Variants in S100Z observed in about 807,000 individuals in gnomAD.
The protein encoded by S100Z is protein S100-Z.
In S100Z, 11 loss-of-function variants were observed where a neutral mutation model predicts 8.5. That is an observed-to-expected ratio of 1.30 (90% CI 0.82 to 2.15). The LOEUF is 2.15. S100Z is among the 30% of genes most tolerant of loss of function. The pLI is 0.00. For synonymous variants in S100Z, 34 were observed against 43.8 expected (o/e 0.78, Z 0.89); for missense variants, 126 against 117.9 (o/e 1.07, Z -0.32).
chr5:76,858,407 C>G (rs1020368776), intron 1 of S100Z, among the ~76,000 whole-genome samples: 1 of 152,008 alleles, frequency 6.6e-6, no homozygotes, highest in African/African-American at 2.4e-5. Context: ...CCTATAGTCC[C>G]AGATACTAGA....
chr5:76,897,429 C>T (rs188124957), intron 4 of S100Z, among the ~76,000 whole-genome samples: 1,884 of 150,058 alleles, frequency 0.013, 16 homozygotes, highest in Non-Finnish European at 0.016. Context: ...GGCGACAGAG[C>T]GAGACTCTGT....
At chr5:76,868,269 G>A (rs1340762731) in intron 1 of S100Z, among the ~76,000 whole-genome samples, 1 of 152,170 alleles carries the variant, frequency 6.6e-6, no homozygotes, top group Non-Finnish European at 1.5e-5. Context: ...GCCAGGTGCA[G>A]TCCTGGAGAT....
chr5:76,932,728 G>C, the S100Z span, among the ~76,000 whole-genome samples: 2 of 152,122 alleles, frequency 1.3e-5, no homozygotes, highest in Non-Finnish European at 2.9e-5. Flanking sequence ...ATCCACAGAT[G>C]AATGACTTAG....
the S100Z span, among the ~76,000 whole-genome samples, chr5:76,927,624 C>T: frequency 6.6e-6 from 1 of 152,136 alleles, no homozygotes; most frequent in Non-Finnish European, 1.5e-5. Flanking sequence ...CTGAGGAAAG[C>T]TGTCAGGAAA....
chr5:76,887,139 C>CT (rs1274481331), intron 4 of S100Z, among the ~76,000 whole-genome samples: 1 of 151,124 alleles, frequency 6.6e-6, no homozygotes, highest in Non-Finnish European at 1.5e-5. Context: ...GCTCTGTCAC[C>CT]AGGCTGGAGT....
At chr5:76,864,881 G>A (rs1042243352) in intron 1 of S100Z, among the ~76,000 whole-genome samples, 10 of 151,464 alleles carry the variant, frequency 6.6e-5, no homozygotes, top group Admixed American at 2.6e-4. Context: ...GCTAATTGTT[G>A]TATTTTTAGT....
rs147200547 is a variant in S100Z, at chr5:76,873,466, T to C, written c.-56-1838T>C. Among the ~76,000 whole-genome samples the C allele has an allele frequency of 6.5e-3, 991 of 152,012 alleles. 7 individuals are homozygous for C. Among genetic ancestry groups the C allele is most frequent in the Middle Eastern group, 0.017 (5 of 294 alleles). On this transcript the variant is annotated intron_variant, in intron 2 of 4. Coordinates refer to ENST00000317593, the MANE Select transcript of S100Z (RefSeq NM_130772.4). ...GGGACTACAGGCGTGCACCACCATA[T>C]CCAGTTAATTTTTGTATTTTTAGTA...
chr5:76,906,274 T>C (rs563990432), intron 4 of S100Z, among the ~76,000 whole-genome samples: 1 of 152,356 alleles, frequency 6.6e-6, no homozygotes, highest in Non-Finnish European at 1.5e-5. Flanking sequence ...ACATATTTTT[T>C]TGGTGATGAG....
downstream of S100Z, among the ~76,000 whole-genome samples, chr5:76,922,502 AAG>A (rs1159605636): frequency 6.7e-6 from 1 of 150,262 alleles, no homozygotes; most frequent in Non-Finnish European, 1.5e-5. Context: ...TCTTCCCATA[AAG>A]AGAGTTTTTT....
chr5:76,913,851 C>G (rs1380550119), intron 4 of S100Z, among the ~76,000 whole-genome samples: 1 of 152,160 alleles, frequency 6.6e-6, no homozygotes, highest in Non-Finnish European at 1.5e-5. Context: ...CCGGCATTTA[C>G]AGGAAAAGGC....
At chr5:76,938,547 G>A in the S100Z span, among the ~76,000 whole-genome samples, 1 of 152,164 alleles carries the variant, frequency 6.6e-6, no homozygotes, top group Non-Finnish European at 1.5e-5. Context: ...CACTTTCTGA[G>A]CCCCCACAGT....
At chr5:76,917,670 A>C (rs1421072444) in intron 4 of S100Z, among the ~76,000 whole-genome samples, 1 of 152,190 alleles carries the variant, frequency 6.6e-6, no homozygotes, top group Non-Finnish European at 1.5e-5. Flanking sequence ...TGAAAACACA[A>C]AAATTAGCTG....
chr5:76,878,661 T>G lies in S100Z; in HGVS notation c.*2+827T>G, dbSNP rs150938406. Among the ~76,000 whole-genome samples, 369 of 152,270 alleles carry G rather than the reference T, an allele frequency of 2.4e-3. 7 individuals are homozygous for G. The highest frequency in any genetic ancestry group is 0.011 in the East Asian group (56 of 5,178). On this transcript the variant is annotated intron_variant, in intron 4 of 4. Coordinates refer to ENST00000317593, the MANE Select transcript of S100Z (RefSeq NM_130772.4). ...GAGAATTTTAAGAAAGGGAGTGATA[T>G]GATTATATTTATGCGTGTAAATGAT...
At chr5:76,867,444 C>T (rs985506450) in intron 1 of S100Z, among the ~76,000 whole-genome samples, 14 of 152,242 alleles carry the variant, frequency 9.2e-5, no homozygotes, top group African/African-American at 2.6e-4. Context: ...TCTGCCTGCC[C>T]GGTTGACAGG....
intron 4 of S100Z, among the ~76,000 whole-genome samples, chr5:76,913,925 TCTC>T (rs1201989803): frequency 6.6e-6 from 1 of 152,182 alleles, no homozygotes; most frequent in African/African-American, 2.4e-5. Flanking sequence ...CAACATGGCT[TCTC>T]CCCTTTCTAG....
At chr5:76,875,526 T>C in intron 3 of S100Z, 26 bp downstream of exon 3, 1 of 1,584,458 alleles carries the variant, frequency 6.3e-7, no homozygotes, top group Non-Finnish European at 8.6e-7. Flanking sequence ...GTAAATGCTG[T>C]ATTCATTTGA....
intron 3 of S100Z, among the ~76,000 whole-genome samples, chr5:76,875,768 G>A (rs1301296661): frequency 2.0e-5 from 3 of 152,170 alleles, no homozygotes. Context: ...TTCTGGTGCG[G>A]CAAAGATGTA....
chr5:76,863,760 G>A (rs4704371), intron 1 of S100Z, among the ~76,000 whole-genome samples: 12,025 of 151,844 alleles, frequency 0.079, 1,165 homozygotes, highest in African/African-American at 0.23. Context: ...GGATGGTCTC[G>A]ATCTCCTGAC....
intron 4 of S100Z, among the ~76,000 whole-genome samples, chr5:76,909,558 T>TA (rs1189005660): frequency 5.3e-5 from 8 of 152,170 alleles, no homozygotes; most frequent in African/African-American, 1.9e-4. Flanking sequence ...CTTACCCCCT[T>TA]ATCCTAGCCT....
Sources: gnomAD v4.1 joint callset for allele counts (sites outside exome capture counted in the v4.1 genomes callset) on GRCh38, gnomAD v4.1.1 for gene constraint, MANE v1.5 for transcripts, NCBI Gene and HGNC (gene_info 2026-07-23, HGNC 2026-07-21) for gene names.